TNR: variants seen among roughly 807,000 people sequenced by gnomAD.
TNR encodes tenascin R.
TNR carries 45 observed loss-of-function variants against 150.4 expected under a neutral mutation model. The ratio of observed to expected loss-of-function variants is 0.30; its 90% CI spans 0.24 to 0.38. The LOEUF is 0.38. Ranked by LOEUF, TNR falls within the 10% of genes least tolerant of loss-of-function variation. The probability of loss-of-function intolerance (pLI) is 1.00; values close to 1 mark genes in which losing one functional copy is unlikely to be tolerated. For missense variants in TNR, 1,544 were observed against 1,759.1 expected (o/e 0.88, Z 2.19); for synonymous variants, 687 against 678.4 (o/e 1.01, Z -0.20).
chr1:175,333,788 TA>T (rs1451203513), intron 20 of TNR, among the ~76,000 whole-genome samples: 1 of 151,966 alleles, frequency 6.6e-6, no homozygotes, highest in Non-Finnish European at 1.5e-5. Context: ...CCACAGGCAA[TA>T]GGGGAGAAAA....
intron 1 of TNR, among the ~76,000 whole-genome samples, chr1:175,589,274 T>G (rs910413132): frequency 1.3e-5 from 2 of 152,208 alleles, no homozygotes; most frequent in Non-Finnish European, 2.9e-5. Context: ...ATTTTTCTTT[T>G]CTTCCTTTTC....
At chr1:175,410,410 C>G (rs945075306) in intron 2 of TNR, among the ~76,000 whole-genome samples, 3 of 152,188 alleles carry the variant, frequency 2.0e-5, no homozygotes, top group Non-Finnish European at 4.4e-5. Flanking sequence ...GAGATGAAAA[C>G]ACAAGCAATA....
chr1:175,372,518 G>A (rs1251377398), intron 9 of TNR, among the ~76,000 whole-genome samples: 2 of 152,232 alleles, frequency 1.3e-5, no homozygotes, highest in Non-Finnish European at 2.9e-5. Flanking sequence ...GGGGCATAAT[G>A]AGCATTCATA....
At chr1:175,656,788 G>A (rs777407653) in intron 1 of TNR, among the ~76,000 whole-genome samples, 3 of 152,116 alleles carry the variant, frequency 2.0e-5, no homozygotes, top group Non-Finnish European at 4.4e-5. Context: ...GTGTTTGTGT[G>A]AGGTTTTGCA....
chr1:175,493,664 G>A (rs1245265171), intron 2 of TNR, among the ~76,000 whole-genome samples: 1 of 152,182 alleles, frequency 6.6e-6, no homozygotes, highest in East Asian at 1.9e-4. Context: ...TTCCATTCCC[G>A]ACTCCGGTTG....
chr1:175,560,857 G>C (rs1661398440), intron 1 of TNR, among the ~76,000 whole-genome samples: 1 of 152,072 alleles, frequency 6.6e-6, no homozygotes, highest in African/African-American at 2.4e-5. Flanking sequence ...AAAGCCTCTG[G>C]GTGACCACTT....
At chr1:175,359,812 C>T in intron 14 of TNR, 81 bp from the exon 15 acceptor site, 3 of 1,517,390 alleles carry the variant, frequency 2.0e-6, no homozygotes, top group South Asian at 2.6e-5. Flanking sequence ...AAGTTCCACT[C>T]ATGGTGCAAG....
chr1:175,416,114 A>C (rs1654428633), intron 2 of TNR, among the ~76,000 whole-genome samples: 1 of 136,922 alleles, frequency 7.3e-6, no homozygotes, highest in African/African-American at 2.8e-5. Context: ...AGCTTCTGAC[A>C]ATTATATATA....
chr1:175,582,235 A>C (rs1436348659), intron 1 of TNR, among the ~76,000 whole-genome samples: 2 of 152,250 alleles, frequency 1.3e-5, no homozygotes, highest in Non-Finnish European at 2.9e-5. Flanking sequence ...CCTCTTGAGA[A>C]CCAAGACTTA....
At chr1:175,596,443 T>C (rs1265746701) in intron 1 of TNR, among the ~76,000 whole-genome samples, 1 of 152,182 alleles carries the variant, frequency 6.6e-6, no homozygotes. Flanking sequence ...ATCATTTCAG[T>C]TTGAGACACC....
intron 17 of TNR, among the ~76,000 whole-genome samples, chr1:175,354,805 G>C (rs1424820526): frequency 6.6e-6 from 1 of 152,178 alleles, no homozygotes. Flanking sequence ...GTACTTGCTT[G>C]AGAGCAGAGA....
At chr1:175,737,335 T>C (rs900274501) in intron 1 of TNR, among the ~76,000 whole-genome samples, 11 of 152,232 alleles carry the variant, frequency 7.2e-5, no homozygotes, top group Non-Finnish European at 1.3e-4. Flanking sequence ...CACTAAATGA[T>C]GTAAAGTATT....
At chr1:175,531,876 C>G (rs1660083774) in intron 1 of TNR, among the ~76,000 whole-genome samples, 1 of 152,228 alleles carries the variant, frequency 6.6e-6, no homozygotes, top group Non-Finnish European at 1.5e-5. Context: ...AGCATGGGCT[C>G]CCTGCCCCTG....
At chr1:175,702,113 C>T (rs1023435959) in intron 1 of TNR, among the ~76,000 whole-genome samples, 4 of 151,992 alleles carry the variant, frequency 2.6e-5, no homozygotes, top group African/African-American at 4.8e-5. Flanking sequence ...GGTTTTTTTC[C>T]GAAGTAAGAT....
At chr1:175,603,982 T>A (rs1663332322) in intron 1 of TNR, among the ~76,000 whole-genome samples, 1 of 152,136 alleles carries the variant, frequency 6.6e-6, no homozygotes, top group African/African-American at 2.4e-5. Flanking sequence ...GATCAAAAAT[T>A]TTTAACCCTT....
intron 2 of TNR, among the ~76,000 whole-genome samples, chr1:175,444,998 C>G (rs1655973893): frequency 6.6e-6 from 1 of 152,054 alleles, no homozygotes; most frequent in Non-Finnish European, 1.5e-5. Context: ...CAGCCGGGCG[C>G]GGTGGCTCAC....
In TNR at chr1:175,647,683, G is replaced by A. The variant is rs145441933; in HGVS notation, c.-165+95543C>T. Reference sequence around the variant, plus strand: ...CCCACTGTGCTTTGGAAAGCCTGGAGTCCTCAGCAGACTTGAGCTTCTTTA... The same window carrying A: ...CCCACTGTGCTTTGGAAAGCCTGGAATCCTCAGCAGACTTGAGCTTCTTTA... On this transcript the variant is annotated intron_variant, in intron 1 of 22. Coordinates refer to ENST00000367674, the MANE Select transcript of TNR (RefSeq NM_003285.3). Among the ~76,000 whole-genome samples the A allele has an allele frequency of 2.3e-3, 353 of 152,284 alleles. 1 individual carries two copies. Among genetic ancestry groups the A allele is most frequent in the African/African-American group, 8.1e-3 (338 of 41,546 alleles).
chr1:175,409,103 C>T (rs1405978777), intron 2 of TNR, among the ~76,000 whole-genome samples: 4 of 152,190 alleles, frequency 2.6e-5, no homozygotes, highest in African/African-American at 7.2e-5. Flanking sequence ...GATCCCTAGG[C>T]GTGACTTTCT....
intron 1 of TNR, among the ~76,000 whole-genome samples, chr1:175,684,414 T>A (rs1330662843): frequency 6.6e-6 from 1 of 152,104 alleles, no homozygotes; most frequent in African/African-American, 2.4e-5. Context: ...TCACATGATT[T>A]CAATATTCAA....
Sources: allele counts gnomAD v4.1 joint callset (sites outside exome capture counted in the v4.1 genomes callset), GRCh38; gene constraint gnomAD v4.1.1; transcripts MANE v1.5; gene names NCBI Gene and HGNC (gene_info 2026-07-23, HGNC 2026-07-21).